Variants in CARMIL1 observed in about 807,000 individuals in gnomAD.
CARMIL1 encodes the protein F-actin-uncapping protein LRRC16A.
A neutral mutation model predicts 177.1 loss-of-function variants in CARMIL1; 90 were observed. That is an observed-to-expected ratio of 0.51 (90% CI 0.43 to 0.61). The LOEUF is 0.61. Among genes scored for constraint, CARMIL1 ranks in the 20% least tolerant of loss-of-function variants. The probability of loss-of-function intolerance (pLI) is 0.00; values close to 1 mark genes in which losing one functional copy is unlikely to be tolerated. For missense variants in CARMIL1, 1,380 were observed against 1,667.0 expected (o/e 0.83, Z 3.00); for synonymous variants, 577 against 606.2 (o/e 0.95, Z 0.71).
At chr6:25,325,696 A>T (rs536243222) in intron 2 of CARMIL1, among the ~76,000 whole-genome samples, 4 of 150,818 alleles carry the variant, frequency 2.7e-5, no homozygotes, top group African/African-American at 1.0e-4. Flanking sequence ...TGTAGCAGAC[A>T]GTGTGCTGAA....
intron 17 of CARMIL1, 47 bp downstream of exon 17, chr6:25,500,282 C>A: frequency 6.5e-7 from 1 of 1,530,708 alleles, no homozygotes; most frequent in Non-Finnish European, 9.0e-7. Context: ...ATAGCCTCAA[C>A]CGCTTTGCCT....
At chr6:25,489,338 G>A (rs531641010) in intron 13 of CARMIL1, among the ~76,000 whole-genome samples, 1 of 152,152 alleles carries the variant, frequency 6.6e-6, no homozygotes, top group African/African-American at 2.4e-5. Context: ...CTGAGCACTC[G>A]TCTATTCCGT....
At chr6:25,364,784 T>G (rs754685797) in intron 2 of CARMIL1, among the ~76,000 whole-genome samples, 3 of 152,118 alleles carry the variant, frequency 2.0e-5, no homozygotes, top group Non-Finnish European at 4.4e-5. Flanking sequence ...AGGCTTGTCT[T>G]GAACTCCTGA....
chr6:25,410,805 G>T (rs766866424), intron 2 of CARMIL1, among the ~76,000 whole-genome samples: 2 of 152,120 alleles, frequency 1.3e-5, no homozygotes, highest in African/African-American at 2.4e-5. Context: ...TTTCCTTTAA[G>T]TAAATTTATT....
chr6:25,420,020 A>G, intron 2 of CARMIL1, 94 bp from the exon 3 acceptor site: 1 of 897,288 alleles, frequency 1.1e-6, no homozygotes, highest in Non-Finnish European at 1.9e-6. Flanking sequence ...TGGCCTTCTG[A>G]GGTTTCAGTA....
chr6:25,332,777 A>ACACACACG (rs1561995893), intron 2 of CARMIL1, among the ~76,000 whole-genome samples: 1 of 132,210 alleles, frequency 7.6e-6, no homozygotes, highest in African/African-American at 2.5e-5. Context: ...ACACACGCGC[A>ACACACACG]CACACACACA....
intron 2 of CARMIL1, among the ~76,000 whole-genome samples, chr6:25,292,561 G>A (rs1156309694): frequency 1.3e-5 from 2 of 152,136 alleles, no homozygotes; most frequent in South Asian, 2.1e-4. Flanking sequence ...GGCAGTTCTG[G>A]CTGACTTGAA....
chr6:25,475,512 G>T (rs1231915456), intron 11 of CARMIL1, among the ~76,000 whole-genome samples: 2 of 152,136 alleles, frequency 1.3e-5, no homozygotes, highest in African/African-American at 4.8e-5. Flanking sequence ...ACTTGTGAAT[G>T]AATGTTTGTA....
Position 25,298,823 on chromosome 6 carries a change from C to T in CARMIL1, c.138+13914C>T, listed in dbSNP as rs370065064. ...GGGCTGGAGTGCAATGGCGCGATCT[C>T]GGCTCACCGCAACCTCCGCCTCCTG... On this transcript the variant is annotated intron_variant, in intron 2 of 36. Coordinates refer to ENST00000329474, the MANE Select transcript of CARMIL1 (RefSeq NM_017640.6). Among the ~76,000 whole-genome samples the T allele has an allele frequency of 1.3e-3, 186 of 148,786 alleles. 1 individual carries two copies. Among genetic ancestry groups the T allele is most frequent in the Middle Eastern group, 0.011 (3 of 278 alleles).
At chr6:25,409,804 A>G (rs1459153034) in intron 2 of CARMIL1, among the ~76,000 whole-genome samples, 1 of 152,172 alleles carries the variant, frequency 6.6e-6, no homozygotes, top group East Asian at 1.9e-4. Flanking sequence ...CATGTTTTCT[A>G]CTTGCTGTGC....
chr6:25,400,154 C>G (rs1298442188), intron 2 of CARMIL1, among the ~76,000 whole-genome samples: 1 of 152,196 alleles, frequency 6.6e-6, no homozygotes, highest in African/African-American at 2.4e-5. Flanking sequence ...CCATTTCTGT[C>G]CTTAGCCTCA....
At position 25,619,588 on chromosome 6, in the gene CARMIL1, C is replaced by T. The variant is rs1424175891; in HGVS notation, c.*5C>T. 1 of 1,612,742 alleles carries T rather than the reference C, an allele frequency of 6.2e-7. No homozygotes were observed. The highest frequency in any genetic ancestry group is 8.5e-7 in the Non-Finnish European group (1 of 1,179,384). The stretch of plus-strand genomic sequence containing the variant: ...AAAGAGTTTATTTTTGTGTAAAGGT[C>T]ACCCACGCAGAAGTCTTCCTGTGCA... On this transcript the variant is annotated 3_prime_UTR_variant, in exon 37 of 37. Transcript: ENST00000329474.
intron 9 of CARMIL1, among the ~76,000 whole-genome samples, chr6:25,469,459 C>G (rs1800906593): frequency 6.6e-6 from 1 of 152,116 alleles, no homozygotes; most frequent in Non-Finnish European, 1.5e-5. Flanking sequence ...TGCCTTCTTT[C>G]TCTCACTCTT....
At chr6:25,410,330 T>C (rs1400690553) in intron 2 of CARMIL1, among the ~76,000 whole-genome samples, 4 of 152,196 alleles carry the variant, frequency 2.6e-5, no homozygotes, top group African/African-American at 9.6e-5. Flanking sequence ...AGACTTACAG[T>C]AAAAGAAAAG....
Position 25,495,555 on chromosome 6 carries a change from G to GTGTGTA in CARMIL1, c.1325+345_1325+346insATGTGT, listed in dbSNP as rs1554209845. 4.6e-5 allele frequency among the ~76,000 whole-genome samples: 7 copies of GTGTGTA among 151,656 alleles called. No homozygotes were observed. The East Asian group carries it at 1.2e-3, about 25-fold the overall frequency. On this transcript the variant is annotated intron_variant, in intron 16 of 36. Coordinates refer to ENST00000329474, the MANE Select transcript of CARMIL1 (RefSeq NM_017640.6). ...CGTTTGTTCGTGTGTGTGTGTGTGT[G>GTGTGTA]TGTGTGTGTGTGTGTGTGTGTTTTC... is the stretch of plus-strand genomic sequence containing the variant.
chr6:25,388,815 A>G (rs1177974900), intron 2 of CARMIL1, among the ~76,000 whole-genome samples: 3 of 152,064 alleles, frequency 2.0e-5, no homozygotes, highest in Admixed American at 2.0e-4. Flanking sequence ...AGCTGGGACT[A>G]TAGGCACAGA....
intron 17 of CARMIL1, among the ~76,000 whole-genome samples, chr6:25,503,097 C>T (rs767734943): frequency 5.3e-5 from 8 of 152,180 alleles, no homozygotes; most frequent in Non-Finnish European, 8.8e-5. Context: ...ATCTTTTTAA[C>T]GAAGGCAGGA....
Position 25,515,958 on chromosome 6 carries a change from T to C in CARMIL1, c.1805+111T>C, listed in dbSNP as rs1805949738. On this transcript the variant is annotated intron_variant, in intron 21 of 36. Transcript: ENST00000329474. This position sits in a 1 kb window ranked among gnomAD's most constrained non-coding sequence, Gnocchi z 5.0. Reference sequence around the variant, plus strand: ...GGGACCTGGGCTTCCCATGAGGCCATCTTGAGGAGAAGAGGTGACAATGTC... The same window carrying C: ...GGGACCTGGGCTTCCCATGAGGCCACCTTGAGGAGAAGAGGTGACAATGTC... 1 of 1,052,670 alleles carries C rather than the reference T, an allele frequency of 9.5e-7. No individual in the cohort carries two copies. The highest frequency in any genetic ancestry group is 1.9e-5 in the South Asian group (1 of 51,748). The allele number at this position is 1,052,670 out of a possible 1,614,324, so 65.2% of individuals were successfully genotyped here. A position where few individuals can be genotyped will look rare whatever the true frequency, so the allele number is the denominator to read the frequency against.
At chr6:25,553,572 T>G (rs536150184) in intron 27 of CARMIL1, among the ~76,000 whole-genome samples, 1 of 152,288 alleles carries the variant, frequency 6.6e-6, no homozygotes, top group South Asian at 2.1e-4. Context: ...GGTGAAAAGT[T>G]TTTTAAAAGG....
Sources: gnomAD v4.1 joint callset for allele counts (sites outside exome capture counted in the v4.1 genomes callset) on GRCh38, gnomAD v4.1.1 for gene constraint, Gnocchi (gnomAD v3.1) non-coding constraint, MANE v1.5 for transcripts, NCBI Gene and HGNC (gene_info 2026-07-23, HGNC 2026-07-21) for gene names.